Variants in PTGER3 observed in about 807,000 individuals in gnomAD.
PTGER3 encodes the protein prostaglandin E2 receptor EP3 subtype.
A neutral mutation model predicts 34.7 loss-of-function variants in PTGER3; 22 were observed. The ratio of observed to expected loss-of-function variants is 0.63; its 90% CI spans 0.45 to 0.91. PTGER3 has a LOEUF of 0.91. Among genes scored for constraint, PTGER3 ranks in the 40% least tolerant of loss-of-function variants. The pLI is 0.00. For missense variants in PTGER3, 468 were observed against 519.4 expected (o/e 0.90, Z 0.96); for synonymous variants, 241 against 230.1 (o/e 1.05, Z -0.43).
At chr1:70,862,380 G>A (rs1557610866) in intron 4 of PTGER3, 2 of 1,366,510 alleles carry the variant, frequency 1.5e-6, no homozygotes, top group Non-Finnish European at 2.0e-6. Flanking sequence ...CAGCTTAGCT[G>A]GACACTGCAG....
At chr1:71,009,639 A>G (rs927127309) in intron 2 of PTGER3, 15 of 985,104 alleles carry the variant, frequency 1.5e-5, no homozygotes, top group Non-Finnish European at 1.8e-5. Context: ...AATTTTACAT[A>G]TATTTCTACA....
intron 1 of PTGER3, among the ~76,000 whole-genome samples, chr1:71,036,129 C>G (rs1659796366): frequency 6.6e-6 from 1 of 152,178 alleles, no homozygotes. Context: ...GAATCATTAG[C>G]TTTACACAGG....
chr1:70,971,613 G>C lies in PTGER3; in HGVS notation c.*117C>G. ...GACAAAACAATCATTAAAATAAAAA[G>C]ATAAAAATGAAGAAATAATCCAAAT... is the stretch of plus-strand genomic sequence containing the variant. On this transcript the variant is annotated 3_prime_UTR_variant, in exon 4 of 4. Transcript: ENST00000306666. The C allele has an allele frequency of 7.2e-7, 1 of 1,385,708 alleles. No homozygotes were observed. The highest frequency in any genetic ancestry group is 9.4e-7 in the Non-Finnish European group (1 of 1,063,314). The allele number at this position is 1,385,708 out of a possible 1,614,324, so 85.8% of individuals were successfully genotyped here. A position where few individuals can be genotyped will look rare whatever the true frequency, so the allele number is the denominator to read the frequency against.
At chr1:71,040,949 T>A (rs1266671238) in intron 1 of PTGER3, among the ~76,000 whole-genome samples, 2 of 152,042 alleles carry the variant, frequency 1.3e-5, no homozygotes, top group Non-Finnish European at 2.9e-5. Context: ...AGGGGTAAAG[T>A]GGCAATGAAA....
intron 3 of PTGER3, among the ~76,000 whole-genome samples, chr1:70,973,543 G>A (rs1407455090): frequency 6.6e-6 from 1 of 152,068 alleles, no homozygotes; most frequent in Non-Finnish European, 1.5e-5. Context: ...ATAACAACTT[G>A]TACCGAGCAG....
intron 4 of PTGER3, among the ~76,000 whole-genome samples, chr1:70,868,728 G>T (rs2100527828): frequency 6.6e-6 from 1 of 152,264 alleles, no homozygotes; most frequent in Non-Finnish European, 1.5e-5. Flanking sequence ...TCTATAAAAT[G>T]GAACATTAGT....
intron 2 of PTGER3, among the ~76,000 whole-genome samples, chr1:71,003,074 G>A (rs1267492754): frequency 6.6e-6 from 1 of 152,112 alleles, no homozygotes; most frequent in East Asian, 1.9e-4. Flanking sequence ...AAAAATACAT[G>A]TCATTAATTG....
In PTGER3 at chr1:71,012,380, C is replaced by T; in HGVS notation, c.1002G>A (p.Leu334=). 1 of 1,614,152 alleles carries T rather than the reference C, an allele frequency of 6.2e-7. No homozygotes were observed. Among genetic ancestry groups the T allele is most frequent in the Middle Eastern group, 1.6e-4 (1 of 6,062 alleles). Reference sequence around the variant, plus strand: ...GATCCAAGATCTGGTTCAGTGAAGCCAGGCGAACAGCTATTAAGAAGAAGT... The same window carrying T: ...GATCCAAGATCTGGTTCAGTGAAGCTAGGCGAACAGCTATTAAGAAGAAGT... ...ECNFFLIAVR[L]ASLNQILDPW... Residue 334 remains leucine (L), a synonymous_variant, in exon 2 of 4, where the codon CTG becomes CTA. Coordinates refer to ENST00000306666, the MANE Select transcript of PTGER3 (RefSeq NM_198719.2).
intron 2 of PTGER3, among the ~76,000 whole-genome samples, chr1:70,987,781 G>A (rs144938960): frequency 1.2e-3 from 190 of 152,294 alleles, no homozygotes; most frequent in Middle Eastern, 3.4e-3. Flanking sequence ...TTGGATACTA[G>A]CAGAAGCTGT....
At position 70,974,301 on chromosome 1, in the gene PTGER3, C is replaced by T; in HGVS notation, c.1165G>A (p.Glu389Lys). ...SSTLMWSDHL[E>K]R ...CCGGCAGTTTCTAAATCTCACCTTT[C>T]CAAATGGTCGCTCCACATCAAGGTT... The change falls in exon 3 of 4, where the codon GAA becomes AAA. Residue 389 changes from glutamate (E) to lysine (K), a missense_variant. Glu to Lys is a moderately conservative substitution (Grantham distance 56). This residue lies in a region of PTGER3 where 57 missense variants were observed against 43.8 expected (regional missense o/e 1.30). Coordinates refer to ENST00000306666, the MANE Select transcript of PTGER3 (RefSeq NM_198719.2). The T allele has an allele frequency of 6.2e-7, 1 of 1,606,910 alleles. No homozygotes were observed. The highest frequency in any genetic ancestry group is 8.5e-7 in the Non-Finnish European group (1 of 1,173,720).
At chr1:70,991,986 A>G (rs2100774224) in intron 2 of PTGER3, among the ~76,000 whole-genome samples, 1 of 152,354 alleles carries the variant, frequency 6.6e-6, no homozygotes. Flanking sequence ...TTAATTGGTT[A>G]TACTAAATAT....
intron 2 of PTGER3, among the ~76,000 whole-genome samples, chr1:70,980,329 A>T (rs1234541401): frequency 7.9e-5 from 12 of 152,108 alleles, no homozygotes; most frequent in Non-Finnish European, 1.2e-4. Context: ...AAACTCTAGA[A>T]ATATTGCCCA....
At chr1:71,045,047 C>T (rs1660639234) in intron 1 of PTGER3, among the ~76,000 whole-genome samples, 1 of 152,150 alleles carries the variant, frequency 6.6e-6, no homozygotes, top group African/African-American at 2.4e-5. Flanking sequence ...AAAACTGGTG[C>T]TGGTTTTGAT....
chr1:70,952,985 C>T, exon 4 of PTGER3: 2 of 1,613,194 alleles, frequency 1.2e-6, no homozygotes, highest in Middle Eastern at 3.3e-4. Context: ...CTCTGTTCAG[C>T]ACACGATAGG....
At chr1:70,946,644 G>T (rs1650253308) in intron 4 of PTGER3, among the ~76,000 whole-genome samples, 1 of 152,136 alleles carries the variant, frequency 6.6e-6, no homozygotes, top group African/African-American at 2.4e-5. Flanking sequence ...GTATCTGGTA[G>T]GTCCTGGGTG....
At chr1:70,890,969 CTATTGACATGCTG>C (rs1367696058) in intron 4 of PTGER3, among the ~76,000 whole-genome samples, 2 of 152,158 alleles carry the variant, frequency 1.3e-5, no homozygotes, top group Non-Finnish European at 2.9e-5. Context: ...TTCTTCATAC[CTATTGACATGCTG>C]TCCTCTCTGG....
intron 2 of PTGER3, chr1:70,998,274 C>A (rs1656160474): frequency 1.3e-5 from 2 of 152,154 alleles, no homozygotes; most frequent in African/African-American, 4.8e-5. Context: ...TTCTTTGGTC[C>A]TCGTGCTTTC....
At chr1:71,030,066 G>A (rs1659278328) in intron 1 of PTGER3, among the ~76,000 whole-genome samples, 1 of 152,084 alleles carries the variant, frequency 6.6e-6, no homozygotes, top group Non-Finnish European at 1.5e-5. Flanking sequence ...ACATTTCTGA[G>A]TGTGAAATTG....
intron 4 of PTGER3, among the ~76,000 whole-genome samples, chr1:70,936,569 C>A (rs1649250207): frequency 6.6e-6 from 1 of 152,064 alleles, no homozygotes; most frequent in African/African-American, 2.4e-5. Context: ...GAGGATCTGA[C>A]AGACATTTTA....
Sources: gnomAD v4.1 joint callset for allele counts (sites outside exome capture counted in the v4.1 genomes callset) on GRCh38, gnomAD v4.1.1 for gene constraint, gnomAD v4.1.1 regional missense constraint, MANE v1.5 for transcripts, NCBI Gene and HGNC (gene_info 2026-07-23, HGNC 2026-07-21) for gene names.